The following SRGAP2C variants were observed in gnomAD, a reference collection of about 807,000 sequenced individuals.
SRGAP2C encodes SLIT-ROBO Rho GTPase activating protein 2C.
A neutral mutation model predicts 25.1 loss-of-function variants in SRGAP2C; 15 were observed. That is an observed-to-expected ratio of 0.60 (90% CI 0.40 to 0.92). The LOEUF is 0.92. SRGAP2C is among the 40% of genes least tolerant of loss of function. SRGAP2C has a pLI of 0.00. For synonymous variants in SRGAP2C, 44 were observed against 96.6 expected (o/e 0.46, Z 3.19); for missense variants, 144 against 264.4 (o/e 0.54, Z 3.16).
rs1215148646 is a variant in SRGAP2C, at chr1:121,191,895, CT to C, written c.67+4401del. On this transcript the variant is annotated intron_variant, in intron 2 of 9. Transcript: ENST00000367123. ...TTCTCGAGAACATTAGGGGTCTTGT[CT>C]TTTTTTTTTTTTTTTTTTAATGTCT... Among the ~76,000 whole-genome samples, 816 of 102,872 alleles carry C rather than the reference CT, an allele frequency of 7.9e-3. 5 individuals carry two copies. Among genetic ancestry groups the C allele is most frequent in the East Asian group, 0.034 (117 of 3,448 alleles). 67.5% of individuals were successfully genotyped at this position (102,872 alleles called of 152,430 possible).
At chr1:121,359,727 G>A (rs2580448) in intron 4 of SRGAP2C, among the ~76,000 whole-genome samples, 1 of 152,196 alleles carries the variant, frequency 6.6e-6, no homozygotes, top group East Asian at 1.9e-4. Flanking sequence ...GTGAGCTATG[G>A]TCAGGCCACT....
chr1:121,253,835 A>G (rs1553331887), intron 2 of SRGAP2C, among the ~76,000 whole-genome samples: 1 of 149,106 alleles, frequency 6.7e-6, no homozygotes, highest in East Asian at 2.0e-4. Context: ...ATACCCAGAA[A>G]TAATGATTCT....
At chr1:121,367,222 A>T (rs1249517408) in intron 5 of SRGAP2C, among the ~76,000 whole-genome samples, 1 of 151,768 alleles carries the variant, frequency 6.6e-6, no homozygotes, top group African/African-American at 2.4e-5. Flanking sequence ...GCCAAAATTA[A>T]AATGTGATGT....
intron 3 of SRGAP2C, among the ~76,000 whole-genome samples, chr1:121,295,213 AG>A (rs1657570241): frequency 7.7e-6 from 1 of 130,120 alleles, no homozygotes; most frequent in Non-Finnish European, 1.6e-5. Flanking sequence ...TGGATGTGGA[AG>A]AAGTGGACAA....
At chr1:121,313,906 C>G (rs1292548216) in intron 3 of SRGAP2C, among the ~76,000 whole-genome samples, 9 of 139,218 alleles carry the variant, frequency 6.5e-5, no homozygotes, top group African/African-American at 1.9e-4. Flanking sequence ...TATGTGTCTT[C>G]GAGTTGCTCT....
rs1463968551 is a variant in SRGAP2C at position 121,391,522 on chromosome 1, T to C, written c.*3667T>C. 1 of 152,310 alleles carries C rather than the reference T, an allele frequency of 6.6e-6. No individual in the cohort carries two copies. Among genetic ancestry groups the C allele is most frequent in the Non-Finnish European group, 1.5e-5 (1 of 68,058 alleles). The allele number at this position is 152,310 out of a possible 1,614,324, so 9.4% of individuals were successfully genotyped here. The stretch of plus-strand genomic sequence containing the variant: ...TTTTTGTTTTTCTTGTATATGCCTG[T>C]TTGATTGGTTCCTGACATACCAGAA... On this transcript the variant is annotated 3_prime_UTR_variant, in exon 10 of 10. Coordinates refer to ENST00000367123, the MANE Select transcript of SRGAP2C (RefSeq NM_001329984.2).
At chr1:121,294,850 A>C (rs1385286378) in intron 3 of SRGAP2C, among the ~76,000 whole-genome samples, 1 of 137,646 alleles carries the variant, frequency 7.3e-6, no homozygotes, top group Non-Finnish European at 1.5e-5. Flanking sequence ...TGACTATTTT[A>C]GAGGTTTTGT....
rs75640193 is a variant in SRGAP2C at position 121,250,237 on chromosome 1, C to G, written c.68-34566C>G. ...AAAAGTATTAGTATAAAGATAACCACTAGAACAAAAATGCGGACTCCCCTA... is the reference window on the plus strand; with the variant it reads ...AAAAGTATTAGTATAAAGATAACCAGTAGAACAAAAATGCGGACTCCCCTA... On this transcript the variant is annotated intron_variant, in intron 2 of 9. Transcript: ENST00000367123. 5.3e-3 allele frequency among the ~76,000 whole-genome samples: 476 copies of G among 89,934 alleles called. 31 individuals carry two copies. Among genetic ancestry groups the G allele is most frequent in the Non-Finnish European group, 8.0e-3 (353 of 44,200 alleles). The allele number at this position is 89,934 out of a possible 152,430, so 59.0% of individuals were successfully genotyped here. A position where few individuals can be genotyped will look rare whatever the true frequency, so the allele number is the denominator to read the frequency against.
rs1553337520 is a variant in SRGAP2C at position 121,290,698 on chromosome 1, CT to C, written c.260+5704del. 6.9e-3 allele frequency among the ~76,000 whole-genome samples: 283 copies of C among 40,924 alleles called. 1 individual carries two copies. Among genetic ancestry groups the C allele is most frequent in the South Asian group, 0.019 (25 of 1,322 alleles). The allele number at this position is 40,924 out of a possible 152,430, so 26.8% of individuals were successfully genotyped here. A position where few individuals can be genotyped will look rare whatever the true frequency, so the allele number is the denominator to read the frequency against. ...ATTAGCTCAGCATGGTGATGCACGC[CT>C]GTAGTCCTAACTTCTCAGGAGGTGG... On this transcript the variant is annotated intron_variant, in intron 3 of 9. Coordinates refer to ENST00000367123, the MANE Select transcript of SRGAP2C (RefSeq NM_001329984.2).
At chr1:121,372,907 G>A (rs1659536002) in intron 5 of SRGAP2C, among the ~76,000 whole-genome samples, 1 of 65,786 alleles carries the variant, frequency 1.5e-5, no homozygotes, top group South Asian at 3.8e-4. Flanking sequence ...ACACACACAT[G>A]CACACACACA....
At chr1:121,236,069 CA>C (rs587656979) in intron 2 of SRGAP2C, among the ~76,000 whole-genome samples, 1,171 of 107,938 alleles carry the variant, frequency 0.011, 22 homozygotes, top group African/African-American at 0.032. Flanking sequence ...TGTTTTCTGG[CA>C]AAAAAAAAAA....
At chr1:121,234,980 C>A (rs201397623) in intron 2 of SRGAP2C, among the ~76,000 whole-genome samples, 4 of 149,404 alleles carry the variant, frequency 2.7e-5, no homozygotes, top group Admixed American at 6.6e-5. Context: ...TCCTCCCTCC[C>A]TCACTTCCTT....
chr1:121,188,256 C>T (rs1471058367), intron 2 of SRGAP2C, among the ~76,000 whole-genome samples: 1 of 152,204 alleles, frequency 6.6e-6, no homozygotes, highest in East Asian at 1.9e-4. Flanking sequence ...GGAAGACATG[C>T]TTTTAAAGCC....
At chr1:121,334,664 C>T (rs1432342885) in intron 4 of SRGAP2C, among the ~76,000 whole-genome samples, 2 of 149,426 alleles carry the variant, frequency 1.3e-5, no homozygotes, top group Non-Finnish European at 3.0e-5. Context: ...AATATTTATT[C>T]ATTATCTTTG....
chr1:121,191,512 C>CATT (rs2101366821), intron 2 of SRGAP2C, among the ~76,000 whole-genome samples: 1 of 147,360 alleles, frequency 6.8e-6, no homozygotes, highest in East Asian at 2.0e-4. Context: ...GGCTGATGTA[C>CATT]ATTAATCTCT....
At chr1:121,322,201 G>T (rs1658225504) in intron 3 of SRGAP2C, among the ~76,000 whole-genome samples, 2 of 148,420 alleles carry the variant, frequency 1.3e-5, no homozygotes, top group Non-Finnish European at 3.0e-5. Context: ...AAAGTCTCAT[G>T]AGATCTGCCC....
chr1:121,312,648 G>A (rs1207755419), intron 3 of SRGAP2C, among the ~76,000 whole-genome samples: 2 of 112,728 alleles, frequency 1.8e-5, no homozygotes, highest in Non-Finnish European at 3.8e-5. Context: ...TGGTTTCAAA[G>A]AACATCTTTA....
At chr1:121,204,273 T>A (rs1419194160) in intron 2 of SRGAP2C, among the ~76,000 whole-genome samples, 1 of 151,924 alleles carries the variant, frequency 6.6e-6, no homozygotes, top group African/African-American at 2.4e-5. Flanking sequence ...CCCTTTGGAC[T>A]GATCATTTAA....
chr1:121,328,889 T>TAA (rs1300958463), intron 4 of SRGAP2C, among the ~76,000 whole-genome samples: 4 of 75,208 alleles, frequency 5.3e-5, no homozygotes, highest in African/African-American at 1.9e-4. Flanking sequence ...CCTGTCTGTT[T>TAA]AAAAAAAAAA....
Sources: allele counts gnomAD v4.1 joint callset (sites outside exome capture counted in the v4.1 genomes callset), GRCh38; gene constraint gnomAD v4.1.1; transcripts MANE v1.5; gene names NCBI Gene and HGNC (gene_info 2026-07-23, HGNC 2026-07-21).